ADPRHL1: variants seen among roughly 807,000 people sequenced by gnomAD.
The protein encoded by ADPRHL1 is inactive ADP-ribosyltransferase ARH2.
A neutral mutation model predicts 44.1 loss-of-function variants in ADPRHL1; 43 were observed. The ratio of observed to expected loss-of-function variants is 0.98; its 90% CI spans 0.76 to 1.26. The LOEUF (loss-of-function observed/expected upper bound fraction) is 1.26, where lower values mean the gene tolerates loss of function less well. Among genes scored for constraint, ADPRHL1 ranks in the 50% most tolerant of loss-of-function variants. ADPRHL1 has a pLI of 0.00. For missense variants in ADPRHL1, 2,022 were observed against 2,496.9 expected (o/e 0.81, Z 4.05); for synonymous variants, 878 against 1,017.4 (o/e 0.86, Z 2.61).
rs548406086 is a variant in ADPRHL1, at chr13:113,434,300, C to G, written c.380-433G>C. 6.6e-5 allele frequency among the ~76,000 whole-genome samples: 10 copies of G among 151,988 alleles called. No homozygotes were observed. In the East Asian group the frequency reaches 1.9e-3, roughly 29 times the overall value. On this transcript the variant is annotated intron_variant, in intron 2 of 7. Transcript: ENST00000612156. ...GTGAACATAGGTGTACCCCGGGACCCAGCATCCACACGTAGAGTGAACATA... is the reference window on the plus strand; with the variant it reads ...GTGAACATAGGTGTACCCCGGGACCGAGCATCCACACGTAGAGTGAACATA...
At chr13:113,446,876 G>A (rs1372530689) in intron 1 of ADPRHL1, among the ~76,000 whole-genome samples, 1 of 147,896 alleles carries the variant, frequency 6.8e-6, no homozygotes, top group East Asian at 2.1e-4. Flanking sequence ...CGGTGTGTGT[G>A]CATGGTGTCT....
intron 7 of ADPRHL1, among the ~76,000 whole-genome samples, chr13:113,418,037 C>T (rs1048858359): frequency 6.6e-6 from 1 of 152,154 alleles, no homozygotes; most frequent in Non-Finnish European, 1.5e-5. Flanking sequence ...ATGCAATCGC[C>T]AGGGTTTGCT....
Position 113,407,351 on chromosome 13 carries a change from T to G in ADPRHL1, c.1931A>C (p.Glu644Ala). The G allele has an allele frequency of 8.1e-7, 1 of 1,231,884 alleles. No homozygotes were observed. Among genetic ancestry groups the G allele is most frequent in the Non-Finnish European group, 1.0e-6 (1 of 988,004 alleles). 76.3% of individuals were successfully genotyped at this position (1,231,884 alleles called of 1,614,324 possible). A position where few individuals can be genotyped will look rare whatever the true frequency, so the allele number is the denominator to read the frequency against. ...TTCTCCTCTGGGTGGACGCCTTGCC[T>G]CCGAGTGGCTGATTTTGGTGCAGTG... ...LSHCTKISHS[E>A]ARRPPRGEAS... The change falls in exon 8 of 8, where the codon GAG becomes GCG. Residue 644 changes from glutamate (E) to alanine (A), a missense_variant. Around this residue, in one of 8 missense-constraint regions of ADPRHL1, gnomAD observed 1,221 missense variants for 1,517.8 expected, o/e 0.80. Transcript: ENST00000612156.
chr13:113,437,539 T>C (rs1425141105), intron 2 of ADPRHL1, among the ~76,000 whole-genome samples: 1 of 152,238 alleles, frequency 6.6e-6, no homozygotes, highest in East Asian at 1.9e-4. Flanking sequence ...CCAGGCCCTG[T>C]GTAAACAGAA....
At chr13:113,434,412 T>C (rs2044031779) in intron 2 of ADPRHL1, among the ~76,000 whole-genome samples, 1 of 150,148 alleles carries the variant, frequency 6.7e-6, no homozygotes, top group Non-Finnish European at 1.5e-5. Context: ...TGAACATAGG[T>C]GTACCCTGGG....
chr13:113,448,956 CTG>C, intron 1 of ADPRHL1: 1 of 985,238 alleles, frequency 1.0e-6, no homozygotes, highest in Non-Finnish European at 1.2e-6. Context: ...GCCGAGCTCT[CTG>C]TGCGAGGCCG....
chr13:113,413,128 C>T (rs545873332), intron 7 of ADPRHL1, among the ~76,000 whole-genome samples: 2 of 149,568 alleles, frequency 1.3e-5, no homozygotes, highest in Admixed American at 6.6e-5. Context: ...AACAGCTCCT[C>T]GCAGAGCTCG....
At chr13:113,451,788 A>G (rs2044180728) in intron 1 of ADPRHL1, among the ~76,000 whole-genome samples, 1 of 151,512 alleles carries the variant, frequency 6.6e-6, no homozygotes, top group Non-Finnish European at 1.5e-5. Context: ...AGCCTGGGCG[A>G]TGGAGAAAGA....
Position 113,425,113 on chromosome 13 carries a change from C to T in ADPRHL1, c.713G>A (p.Ser238Asn). ...WQFYLEERKISKDSENKAIFP... is the reference protein window; with the variant it reads ...WQFYLEERKINKDSENKAIFP... ...GATGGCTTTATTTTCTGAGTCTTTA[C>T]TGATTTTCCTCTCCTCCAAATAAAA... The change falls in exon 5 of 8, where the codon AGT becomes AAT. Residue 238 changes from serine (S) to asparagine (N), a missense_variant. Transcript: ENST00000612156. The T allele has an allele frequency of 5.0e-6, 8 of 1,613,576 alleles. No homozygotes were observed. Among genetic ancestry groups the T allele is most frequent in the Non-Finnish European group, 6.8e-6 (8 of 1,179,936 alleles).
chr13:113,420,642 T>C (rs2054210993), intron 7 of ADPRHL1, among the ~76,000 whole-genome samples: 1 of 152,048 alleles, frequency 6.6e-6, no homozygotes, highest in Non-Finnish European at 1.5e-5. Flanking sequence ...TTCGCCCCCG[T>C]GTGCCTGTCT....
chr13:113,425,684 C>CTTTT (rs66812194), intron 4 of ADPRHL1, among the ~76,000 whole-genome samples: 19 of 133,924 alleles, frequency 1.4e-4, no homozygotes, highest in Non-Finnish European at 2.5e-4. Flanking sequence ...TTTTTTCTTT[C>CTTTT]TTTTTTTTTT....
In ADPRHL1 at chr13:113,409,745, C is replaced by A; in HGVS notation, c.1062-1525G>T. 8 of 675,034 alleles carry A rather than the reference C, an allele frequency of 1.2e-5. No individual in the cohort carries two copies. Among genetic ancestry groups the A allele is most frequent in the Non-Finnish European group, 1.5e-5 (8 of 546,720 alleles). The allele number at this position is 675,034 out of a possible 1,614,324, so 41.8% of individuals were successfully genotyped here. ...ACTAAAGATATAAAAAAAAATCAGC[C>A]GGGCGTGGTGGCGGGCGCCTGTAGT... On this transcript the variant is annotated intron_variant, in intron 7 of 7. Transcript: ENST00000612156. This position sits in a 1 kb window ranked among gnomAD's most constrained non-coding sequence, Gnocchi z 4.2.
At position 113,406,459 on chromosome 13, in the gene ADPRHL1, C is replaced by G. The variant is rs2043809255; in HGVS notation, c.2823G>C (p.Glu941Asp). Reference sequence around the variant, plus strand: ...TCTGGAGTCTCTGTGTCAGAAGTGTCTCTGGGACACTGTGGTCGGCGCCCA... The same window carrying G: ...TCTGGAGTCTCTGTGTCAGAAGTGTGTCTGGGACACTGTGGTCGGCGCCCA... The part of the protein sequence containing the change: ...GAVGADHSVP[E>D]TLLTQRLQTD... The change falls in exon 8 of 8, where the codon GAG (glutamate) becomes GAC (aspartate). Residue 941 changes from glutamate (E) to aspartate (D), a missense_variant. This residue lies in a region of ADPRHL1 where 1,221 missense variants were observed against 1,517.8 expected (regional missense o/e 0.80). Transcript: ENST00000612156. 1.6e-6 allele frequency: 2 copies of G among 1,232,000 alleles called. No homozygotes were observed. The highest frequency in any genetic ancestry group is 8.2e-5 in the South Asian group (2 of 24,318). 76.3% of individuals were successfully genotyped at this position (1,232,000 alleles called of 1,614,324 possible).
intron 7 of ADPRHL1, among the ~76,000 whole-genome samples, chr13:113,415,048 ACC>A (rs1566468751): frequency 2.0e-5 from 3 of 151,886 alleles, no homozygotes; most frequent in Admixed American, 6.6e-5. Flanking sequence ...GGAGGGCGAC[ACC>A]TCCCTAGGTA....
rs183630984 is a variant in ADPRHL1, at chr13:113,453,486, T to C, written c.-49A>G. ...CAACAGCTGCGGAGCGTCCTGGCCT[T>C]TGTCTCCTCCTCAGCCCGCCTGACT... On this transcript the variant is annotated 5_prime_UTR_variant, in exon 1 of 8. Transcript: ENST00000612156. The surrounding 1 kb of genome is among the most constrained non-coding windows in gnomAD (Gnocchi z 5.4). The C allele has an allele frequency of 2.1e-3, 3,276 of 1,590,636 alleles. 10 individuals are homozygous for C. Among genetic ancestry groups the C allele is most frequent in the Non-Finnish European group, 2.5e-3 (2,946 of 1,164,924 alleles).
At chr13:113,415,296 AGAGTGTG>A in intron 7 of ADPRHL1, among the ~76,000 whole-genome samples, 1 of 152,212 alleles carries the variant, frequency 6.6e-6, no homozygotes, top group Non-Finnish European at 1.5e-5. Context: ...GTCCCCAAGC[AGAGTGTG>A]GACCTGGAAA....
chr13:113,445,442 C>T (rs929578630), intron 1 of ADPRHL1, among the ~76,000 whole-genome samples: 7 of 152,220 alleles, frequency 4.6e-5, no homozygotes, highest in African/African-American at 7.2e-5. Flanking sequence ...CTGTGGCAGG[C>T]GGATGCCCAC....
Position 113,403,248 on chromosome 13 carries a change from A to G in ADPRHL1, c.*130T>C, listed in dbSNP as rs541550367. ...CCAAGGTCAGCTTGTGAAGAAGGGA[A>G]AGAAAATTATGGAAACAGGCGTCTC... On this transcript the variant is annotated 3_prime_UTR_variant, in exon 8 of 8. Coordinates refer to ENST00000612156, the MANE Select transcript of ADPRHL1 (RefSeq NM_001394807.1). The G allele has an allele frequency of 1.1e-4, 92 of 832,332 alleles. No homozygotes were observed. The highest frequency in any genetic ancestry group is 1.4e-4 in the Non-Finnish European group (88 of 624,444). The allele number at this position is 832,332 out of a possible 1,614,324, so 51.6% of individuals were successfully genotyped here.
chr13:113,434,435 GGC>G (rs2044032134), intron 2 of ADPRHL1, among the ~76,000 whole-genome samples: 2 of 141,742 alleles, frequency 1.4e-5, no homozygotes, highest in African/African-American at 5.5e-5. Flanking sequence ...CCAGCACCCA[GGC>G]GTAGAGTGAA....
Sources: gnomAD v4.1 joint callset for allele counts (sites outside exome capture counted in the v4.1 genomes callset) on GRCh38, gnomAD v4.1.1 for gene constraint, gnomAD v4.1.1 regional missense constraint, Gnocchi (gnomAD v3.1) non-coding constraint, MANE v1.5 for transcripts, NCBI Gene and HGNC (gene_info 2026-07-23, HGNC 2026-07-21) for gene names.